KDM4B: variants seen among roughly 807,000 people sequenced by gnomAD.
The protein encoded by KDM4B is lysine demethylase 4B.
In KDM4B, 32 loss-of-function variants were observed where a neutral mutation model predicts 125.2. The ratio of observed to expected loss-of-function variants is 0.26; its 90% CI spans 0.19 to 0.34. KDM4B has a LOEUF of 0.34. Ranked by LOEUF, KDM4B falls within the 10% of genes least tolerant of loss-of-function variation. The pLI, the probability that KDM4B is intolerant of heterozygous loss-of-function variation, is 1.00. For missense variants in KDM4B, 1,190 were observed against 1,577.7 expected (o/e 0.75, Z 4.16); for synonymous variants, 721 against 677.9 (o/e 1.06, Z -0.99).
In KDM4B at chr19:5,003,486, T is replaced by TAAAC. The variant is rs75939189; in HGVS notation, c.-108-12751_-108-12748dup. 2.6e-4 allele frequency among the ~76,000 whole-genome samples: 39 copies of TAAAC among 149,654 alleles called. 1 individual carries two copies. The Middle Eastern group carries it at 0.011, about 41-fold the overall frequency. ...ACAAGAGCAAGACTCTGTCTCAAAA[T>TAAAC]AAACAAACAAACAAACAAACAAATA... On this transcript the variant is annotated intron_variant, in intron 1 of 22. Coordinates refer to ENST00000159111, the MANE Select transcript of KDM4B (RefSeq NM_015015.3).
At chr19:5,041,963 C>A (rs2036833849) in intron 5 of KDM4B, among the ~76,000 whole-genome samples, 1 of 152,196 alleles carries the variant, frequency 6.6e-6, no homozygotes, top group African/African-American at 2.4e-5. Flanking sequence ...GCCGAGGGCG[C>A]CGGTTTATGA....
At chr19:5,113,891 C>A in intron 10 of KDM4B, 1 of 1,198,120 alleles carries the variant, frequency 8.3e-7, no homozygotes, top group African/African-American at 1.6e-5. Context: ...TACCAGGTGC[C>A]CCATGGGGTG....
intron 5 of KDM4B, among the ~76,000 whole-genome samples, 179 bp downstream of exon 5, chr19:5,041,430 C>G (rs980210574): frequency 6.6e-6 from 1 of 151,988 alleles, no homozygotes; most frequent in Non-Finnish European, 1.5e-5. Context: ...GCCAGGCTTT[C>G]TCTGATTTTT....
At chr19:5,015,780 CA>C (rs1305374996) in intron 1 of KDM4B, among the ~76,000 whole-genome samples, 6 of 152,212 alleles carry the variant, frequency 3.9e-5, no homozygotes, top group African/African-American at 1.4e-4. Context: ...TCTTTGTGTC[CA>C]GGACTAAGTT....
intron 1 of KDM4B, among the ~76,000 whole-genome samples, chr19:5,010,729 C>T (rs763956331): frequency 6.6e-6 from 1 of 152,184 alleles, no homozygotes; most frequent in Non-Finnish European, 1.5e-5. Context: ...CTCACTGCAA[C>T]CTCCGCCTCC....
Position 5,131,476 on chromosome 19 carries a change from G to A in KDM4B, c.1716G>A (p.Gly572=), listed in dbSNP as rs1365954054. 2 of 1,597,452 alleles carry A rather than the reference G, an allele frequency of 1.3e-6. No homozygotes were observed. Among genetic ancestry groups the A allele is most frequent in the Non-Finnish European group, 1.7e-6 (2 of 1,176,618 alleles). ...CAGTTTCCCCCATGGAGCTGACGGGGCCAGAGGACGGTGCAGCCAGCAGTG... is the reference window on the plus strand; with the variant it reads ...CAGTTTCCCCCATGGAGCTGACGGGACCAGAGGACGGTGCAGCCAGCAGTG... The part of the protein sequence containing the change: ...KEPVSPMELT[G]PEDGAASSGA... Residue 572 remains glycine, a synonymous_variant, in exon 12 of 23, where the codon GGG becomes GGA. Coordinates refer to ENST00000159111, the MANE Select transcript of KDM4B (RefSeq NM_015015.3).
chr19:5,145,901 C>CAG (rs2039832762), intron 21 of KDM4B, among the ~76,000 whole-genome samples: 1 of 152,224 alleles, frequency 6.6e-6, no homozygotes, highest in Non-Finnish European at 1.5e-5. Flanking sequence ...CTCTTTACCA[C>CAG]GTCGGTTAAG....
intron 1 of KDM4B, among the ~76,000 whole-genome samples, chr19:4,972,451 T>G (rs1208437561): frequency 6.6e-6 from 1 of 152,174 alleles, no homozygotes; most frequent in African/African-American, 2.4e-5. Context: ...CCCTCTGCCC[T>G]GTCAGGGTCT....
chr19:5,085,621 A>T (rs1221398147), intron 9 of KDM4B, among the ~76,000 whole-genome samples: 1 of 152,214 alleles, frequency 6.6e-6, no homozygotes, highest in Non-Finnish European at 1.5e-5. Flanking sequence ...CTCGAAACAC[A>T]CCAGGGGTTC....
At chr19:5,015,999 C>T (rs571034416) in intron 1 of KDM4B, among the ~76,000 whole-genome samples, 1 of 152,326 alleles carries the variant, frequency 6.6e-6, no homozygotes, top group East Asian at 1.9e-4. Flanking sequence ...TTTCATTTGA[C>T]TGTTCACGGA....
intron 6 of KDM4B, among the ~76,000 whole-genome samples, chr19:5,068,724 G>A (rs991021450): frequency 9.2e-5 from 14 of 152,340 alleles, no homozygotes; most frequent in African/African-American, 3.4e-4. Flanking sequence ...GTGGCTGCCC[G>A]GCCTCTTGTC....
At chr19:5,044,552 T>C (rs185146124) in intron 5 of KDM4B, among the ~76,000 whole-genome samples, 77 of 152,322 alleles carry the variant, frequency 5.1e-4, no homozygotes, top group Middle Eastern at 3.4e-3. Context: ...CTTGTGTGTT[T>C]GTTTCTTTGT....
chr19:5,056,955 G>A (rs910377061), intron 6 of KDM4B, among the ~76,000 whole-genome samples: 2 of 151,974 alleles, frequency 1.3e-5, no homozygotes, highest in Non-Finnish European at 2.9e-5. Flanking sequence ...CTTCCCTTTT[G>A]TAGGCATTTC....
At chr19:5,086,012 C>A (rs768228758) in intron 9 of KDM4B, among the ~76,000 whole-genome samples, 1 of 152,172 alleles carries the variant, frequency 6.6e-6, no homozygotes, top group African/African-American at 2.4e-5. Context: ...GCCCAGAACC[C>A]CCCTTTTCTG....
chr19:5,058,987 G>T (rs892432856), intron 6 of KDM4B, among the ~76,000 whole-genome samples: 5 of 152,358 alleles, frequency 3.3e-5, no homozygotes, highest in African/African-American at 1.2e-4. Context: ...GCCAGGCGGT[G>T]TTTGGATGAG....
rs1255865315 is a variant in KDM4B, at chr19:5,084,349, GTAATTTATATATTGTATA to G, written c.918+1865_918+1882del. Among the ~76,000 whole-genome samples, 5 of 141,560 alleles carry G rather than the reference GTAATTTATATATTGTATA, an allele frequency of 3.5e-5. No individual in the cohort carries two copies. The South Asian group carries it at 6.5e-4, about 18-fold the overall frequency. The allele number at this position is 141,560 out of a possible 152,430, so 92.9% of individuals were successfully genotyped here. ...ATTGTATATAATTTATATATTGTAT[GTAATTTATATATTGTATA>G]TAATTTATATATTGTATATTTATAT... On this transcript the variant is annotated intron_variant, in intron 9 of 22. Coordinates refer to ENST00000159111, the MANE Select transcript of KDM4B (RefSeq NM_015015.3).
Position 5,131,465 on chromosome 19 carries a change from G to T in KDM4B, c.1705G>T (p.Glu569Ter). ...PTWKEPVSPM[E>*]LTGPEDGAAS... The stretch of plus-strand genomic sequence containing the variant: ...CTGGAAGGAACCAGTTTCCCCCATG[G>T]AGCTGACGGGGCCAGAGGACGGTGC... The change falls in exon 12 of 23, where the codon GAG (glutamate) becomes TAG (stop). Residue 569 changes from glutamate (E) to a stop codon, truncating the protein, a stop_gained. Transcript: ENST00000159111. LOFTEE classifies it high-confidence loss of function. 1.3e-6 allele frequency: 2 copies of T among 1,599,430 alleles called. No individual in the cohort carries two copies. The highest frequency in any genetic ancestry group is 8.5e-7 in the Non-Finnish European group (1 of 1,176,880).
intron 9 of KDM4B, among the ~76,000 whole-genome samples, chr19:5,087,630 G>T (rs905983730): frequency 5.3e-5 from 8 of 152,192 alleles, no homozygotes; most frequent in Admixed American, 5.2e-4. Context: ...TCTAGGCCCA[G>T]GTTTCCCAGC....
At chr19:5,100,063 A>T (rs534316959) in intron 9 of KDM4B, among the ~76,000 whole-genome samples, 1 of 152,246 alleles carries the variant, frequency 6.6e-6, no homozygotes, top group East Asian at 1.9e-4. Context: ...TGCTGCTGGC[A>T]CAAAGATGCT....
Sources: gnomAD v4.1 joint callset for allele counts (sites outside exome capture counted in the v4.1 genomes callset) on GRCh38, gnomAD v4.1.1 for gene constraint, MANE v1.5 for transcripts, NCBI Gene and HGNC (gene_info 2026-07-23, HGNC 2026-07-21) for gene names.